The following OXR1 variants were observed in gnomAD, a reference collection of about 807,000 sequenced individuals.
The protein encoded by OXR1 is oxidation resistance 1.
In OXR1, 41 loss-of-function variants were observed where a neutral mutation model predicts 104.6. That is an observed-to-expected ratio of 0.39 (90% CI 0.31 to 0.51). OXR1 has a LOEUF of 0.51. Ranked by LOEUF, OXR1 falls within the 20% of genes least tolerant of loss-of-function variation. The pLI is 0.77. For synonymous variants in OXR1, 348 were observed against 348.4 expected, an observed-to-expected ratio of 1.00 and a Z score of 0.01; for missense variants, 955 against 1,031.9, an observed-to-expected ratio of 0.93 and a Z score of 1.02.
intron 3 of OXR1, among the ~76,000 whole-genome samples, chr8:106,659,973 C>T (rs886898081): frequency 6.6e-6 from 1 of 152,204 alleles, no homozygotes; most frequent in Non-Finnish European, 1.5e-5. Flanking sequence ...ATCTCTGACA[C>T]ATTAGAGAGG....
intron 6 of OXR1, among the ~76,000 whole-genome samples, chr8:106,689,703 C>G (rs180756079): frequency 7.9e-5 from 12 of 151,940 alleles, no homozygotes. Context: ...GTTAATTTCT[C>G]ATAGGGTTTT....
chr8:106,362,694 C>T (rs7015094), intron 2 of OXR1, among the ~76,000 whole-genome samples: 3 of 152,044 alleles, frequency 2.0e-5, no homozygotes, highest in Non-Finnish European at 2.9e-5. Context: ...AGTTGATGCT[C>T]GTTGAAATAG....
intron 3 of OXR1, among the ~76,000 whole-genome samples, chr8:106,535,248 G>C (rs1407979693): frequency 1.3e-5 from 2 of 152,134 alleles, no homozygotes; most frequent in African/African-American, 4.8e-5. Context: ...AATAACAGCA[G>C]GCTGGCTCCC....
At chr8:106,658,253 C>A in intron 3 of OXR1, 26 of 1,227,090 alleles carry the variant, frequency 2.1e-5, no homozygotes, top group South Asian at 1.3e-4. Context: ...AGGCGGCGGT[C>A]GTGGCGCCGG....
intron 2 of OXR1, among the ~76,000 whole-genome samples, chr8:106,392,225 C>A (rs558276946): frequency 2.0e-5 from 3 of 152,252 alleles, no homozygotes; most frequent in South Asian, 2.1e-4. Context: ...CATAGGAAAT[C>A]CTCACCCCAC....
At chr8:106,700,782 G>A (rs1325750099) in intron 7 of OXR1, among the ~76,000 whole-genome samples, 2 of 152,152 alleles carry the variant, frequency 1.3e-5, no homozygotes, top group African/African-American at 2.4e-5. Context: ...TATTATGCTA[G>A]TGAACCAAAT....
At chr8:106,324,876 A>T (rs916856986) in intron 1 of OXR1, among the ~76,000 whole-genome samples, 1 of 152,216 alleles carries the variant, frequency 6.6e-6, no homozygotes, top group African/African-American at 2.4e-5. Flanking sequence ...GGAGGGGAAA[A>T]TGGTTCCATA....
chr8:106,434,076 T>C (rs1177119407), intron 2 of OXR1, among the ~76,000 whole-genome samples: 2 of 152,200 alleles, frequency 1.3e-5, no homozygotes, highest in Non-Finnish European at 2.9e-5. Context: ...ACAAGTTTGA[T>C]ATTATGTTTA....
intron 12 of OXR1, among the ~76,000 whole-genome samples, chr8:106,738,329 C>G (rs1276173864): frequency 6.6e-6 from 1 of 151,428 alleles, no homozygotes; most frequent in Non-Finnish European, 1.5e-5. Context: ...TTCTTTTTAC[C>G]TTTCACATCA....
At chr8:106,584,097 G>A (rs906677541) in intron 3 of OXR1, among the ~76,000 whole-genome samples, 3 of 146,016 alleles carry the variant, frequency 2.1e-5, no homozygotes, top group Non-Finnish European at 4.5e-5. Flanking sequence ...AACCAAAATA[G>A]GGTGATACAA....
chr8:106,471,164 A>T (rs1175598315), intron 2 of OXR1, among the ~76,000 whole-genome samples: 1 of 151,746 alleles, frequency 6.6e-6, no homozygotes, highest in African/African-American at 2.4e-5. Context: ...GCTGATATTA[A>T]CAGTTTAGTA....
intron 2 of OXR1, among the ~76,000 whole-genome samples, chr8:106,445,648 G>A (rs1450638764): frequency 6.6e-6 from 1 of 152,096 alleles, no homozygotes; most frequent in East Asian, 1.9e-4. Context: ...TACTTTTTAA[G>A]TATACTCTAG....
chr8:106,285,063 A>G (rs1258112962), intron 1 of OXR1, among the ~76,000 whole-genome samples: 1 of 152,046 alleles, frequency 6.6e-6, no homozygotes, highest in African/African-American at 2.4e-5. Context: ...GGTGTGCTGC[A>G]CCCATTAACT....
chr8:106,550,200 T>C (rs1445071915), intron 3 of OXR1, among the ~76,000 whole-genome samples: 1 of 152,174 alleles, frequency 6.6e-6, no homozygotes, highest in Non-Finnish European at 1.5e-5. Flanking sequence ...CATCAGATGT[T>C]CACCAGCAGA....
At chr8:106,681,817 G>A (rs1828184102) in intron 4 of OXR1, among the ~76,000 whole-genome samples, 1 of 152,144 alleles carries the variant, frequency 6.6e-6, no homozygotes, top group South Asian at 2.1e-4. Flanking sequence ...GACCCACCAT[G>A]TCTGACCTCT....
intron 2 of OXR1, among the ~76,000 whole-genome samples, chr8:106,505,553 A>G (rs1046653158): frequency 6.6e-6 from 1 of 152,188 alleles, no homozygotes; most frequent in Non-Finnish European, 1.5e-5. Context: ...AGTGCTAAAG[A>G]GTAACCTGGG....
chr8:106,472,793 T>C (rs1821587767), intron 2 of OXR1, among the ~76,000 whole-genome samples: 1 of 151,892 alleles, frequency 6.6e-6, no homozygotes, highest in Non-Finnish European at 1.5e-5. Context: ...GAATTTCTCT[T>C]TGTTAAGCCA....
chr8:106,723,533 G>A (rs780808278), intron 11 of OXR1, among the ~76,000 whole-genome samples: 5 of 150,606 alleles, frequency 3.3e-5, no homozygotes, highest in African/African-American at 4.9e-5. Flanking sequence ...TTAGCCGGGC[G>A]TGGTGGCGCA....
At chr8:106,663,041 C>A (rs1461800433) in intron 3 of OXR1, among the ~76,000 whole-genome samples, 3 of 152,070 alleles carry the variant, frequency 2.0e-5, no homozygotes, top group Non-Finnish European at 4.4e-5. Flanking sequence ...GCACATATTC[C>A]AAATCCATCC....
Sources: gnomAD v4.1 joint callset for allele counts (sites outside exome capture counted in the v4.1 genomes callset) on GRCh38, gnomAD v4.1.1 for gene constraint, MANE v1.5 for transcripts, NCBI Gene and HGNC (gene_info 2026-07-23, HGNC 2026-07-21) for gene names.